Variants in SPOCK3 observed in about 807,000 individuals in gnomAD.
The protein encoded by SPOCK3 is testican-3.
Under a neutral mutation model 56.6 loss-of-function variants are expected in SPOCK3, and 30 were observed. The observed-to-expected ratio is 0.53, with a 90% CI of 0.40 to 0.72. The LOEUF (loss-of-function observed/expected upper bound fraction) is 0.72, where lower values mean the gene tolerates loss of function less well. Ranked by LOEUF, SPOCK3 falls within the 30% of genes least tolerant of loss-of-function variation. The pLI, the probability that SPOCK3 is intolerant of heterozygous loss-of-function variation, is 0.00. For missense variants in SPOCK3, 527 were observed against 530.0 expected (o/e 0.99, Z 0.06); for synonymous variants, 196 against 183.3 (o/e 1.07, Z -0.56).
At position 167,172,532 on chromosome 4, in the gene SPOCK3, T is replaced by C. The variant is rs1009898701; in HGVS notation, c.189+61453A>G. On this transcript the variant is annotated intron_variant, in intron 2 of 10. Coordinates refer to ENST00000357545, the MANE Select transcript of SPOCK3 (RefSeq NM_001040159.2). ...TCTTCCTTTTGATAGTTCACATTAGTATATATAGATATAAATGAAAGCATA... is the reference window on the plus strand; with the variant it reads ...TCTTCCTTTTGATAGTTCACATTAGCATATATAGATATAAATGAAAGCATA... 7.9e-5 allele frequency among the ~76,000 whole-genome samples: 12 copies of C among 152,284 alleles called. No individual in the cohort carries two copies. The South Asian group carries it at 2.1e-3, about 26-fold the overall frequency.
At chr4:167,148,895 A>T (rs1355044800) in intron 2 of SPOCK3, among the ~76,000 whole-genome samples, 1 of 152,174 alleles carries the variant, frequency 6.6e-6, no homozygotes, top group South Asian at 2.1e-4. Context: ...AATTTGGAAC[A>T]TTATTTTAGA....
chr4:166,952,213 C>T (rs1329138559), intron 4 of SPOCK3, among the ~76,000 whole-genome samples: 1 of 152,142 alleles, frequency 6.6e-6, no homozygotes, highest in Admixed American at 6.6e-5. Flanking sequence ...TCTCCTTAAG[C>T]TGATAAGCAA....
intron 7 of SPOCK3, among the ~76,000 whole-genome samples, chr4:166,764,428 A>T (rs1184684415): frequency 1.3e-5 from 2 of 151,908 alleles, no homozygotes; most frequent in Non-Finnish European, 2.9e-5. Flanking sequence ...CCTATGAGTG[A>T]GAACATGCGG....
intron 6 of SPOCK3, among the ~76,000 whole-genome samples, chr4:166,818,619 A>G (rs1175315797): frequency 6.6e-6 from 1 of 151,962 alleles, no homozygotes; most frequent in Non-Finnish European, 1.5e-5. Flanking sequence ...CTCTCTCATT[A>G]CCAATTAAAA....
intron 3 of SPOCK3, among the ~76,000 whole-genome samples, chr4:167,037,678 G>A (rs151219944): frequency 8.9e-4 from 135 of 152,148 alleles, no homozygotes; most frequent in African/African-American, 3.0e-3. Flanking sequence ...GCATTGCTGG[G>A]GCCAAATGGA....
intron 2 of SPOCK3, among the ~76,000 whole-genome samples, chr4:167,213,023 G>A (rs1735030914): frequency 6.6e-6 from 1 of 152,168 alleles, no homozygotes; most frequent in Admixed American, 6.6e-5. Flanking sequence ...TGAAGATGCT[G>A]GAGCACAATC....
chr4:166,824,828 G>A (rs937786283), intron 6 of SPOCK3, among the ~76,000 whole-genome samples: 15 of 151,932 alleles, frequency 9.9e-5, no homozygotes, highest in South Asian at 2.1e-4. Flanking sequence ...TTATTTTTAC[G>A]TAATTGACTG....
rs561931558 is a variant in SPOCK3 at position 166,893,412 on chromosome 4, A to G, written c.475-4168T>C. Among the ~76,000 whole-genome samples, 12 of 152,300 alleles carry G rather than the reference A, an allele frequency of 7.9e-5. No individual in the cohort carries two copies. In the South Asian group the frequency reaches 2.5e-3, roughly 32 times the overall value. On this transcript the variant is annotated intron_variant, in intron 5 of 10. Transcript: ENST00000357545. ...CTAGAGAAACCAGAAAATACAAATC[A>G]GCTAAAGCGAGAAAAGATACAGTTG...
intron 6 of SPOCK3, among the ~76,000 whole-genome samples, chr4:166,859,955 A>G (rs1731070043): frequency 6.6e-6 from 1 of 152,158 alleles, no homozygotes; most frequent in South Asian, 2.1e-4. Context: ...ATTTACCAGT[A>G]TCTATCAAGA....
chr4:167,190,183 T>C (rs1251110575), intron 2 of SPOCK3, among the ~76,000 whole-genome samples: 1 of 146,220 alleles, frequency 6.8e-6, no homozygotes, highest in Non-Finnish European at 1.5e-5. Flanking sequence ...TTTAATTTTT[T>C]GTGGGAACTC....
At chr4:166,981,877 G>C (rs991144671) in intron 4 of SPOCK3, among the ~76,000 whole-genome samples, 8 of 152,164 alleles carry the variant, frequency 5.3e-5, no homozygotes, top group African/African-American at 1.4e-4. Context: ...TGGGGACTGA[G>C]GTGGGGAGGC....
chr4:166,849,918 A>G (rs1748501500), intron 6 of SPOCK3, among the ~76,000 whole-genome samples: 1 of 152,160 alleles, frequency 6.6e-6, no homozygotes, highest in African/African-American at 2.4e-5. Flanking sequence ...GAATTCTCTA[A>G]CTTTTTAAAG....
rs184162323 is a variant in SPOCK3, at chr4:166,848,016, A to T, written c.589+41114T>A. Among the ~76,000 whole-genome samples, 3 of 152,224 alleles carry T rather than the reference A, an allele frequency of 2.0e-5. No individual in the cohort carries two copies. In the East Asian group the frequency reaches 5.8e-4, roughly 29 times the overall value. On this transcript the variant is annotated intron_variant, in intron 6 of 10. Coordinates refer to ENST00000357545, the MANE Select transcript of SPOCK3 (RefSeq NM_001040159.2). Reference sequence around the variant, plus strand: ...GTAACCCAAAATCAAATCACAATCAAGTTTCCTACAAATTACACACAATAG... The same window carrying T: ...GTAACCCAAAATCAAATCACAATCATGTTTCCTACAAATTACACACAATAG...
chr4:166,887,228 ATAC>A (rs1476163533), intron 6 of SPOCK3, among the ~76,000 whole-genome samples: 2 of 152,200 alleles, frequency 1.3e-5, no homozygotes. Flanking sequence ...TCATAAATTA[ATAC>A]TACATCAGCA....
chr4:167,134,128 A>G (rs1199259987), intron 2 of SPOCK3, among the ~76,000 whole-genome samples: 1 of 145,010 alleles, frequency 6.9e-6, no homozygotes, highest in East Asian at 2.0e-4. Context: ...TCCTTGGTTC[A>G]AGTGATTCTC....
chr4:167,087,088 G>A (rs927414252), intron 2 of SPOCK3, among the ~76,000 whole-genome samples: 4 of 151,986 alleles, frequency 2.6e-5, no homozygotes, highest in African/African-American at 9.7e-5. Flanking sequence ...TAAATAATTT[G>A]TCGGCAAATA....
chr4:167,217,496 C>A (rs1209856234), intron 2 of SPOCK3, among the ~76,000 whole-genome samples: 2 of 151,930 alleles, frequency 1.3e-5, no homozygotes, highest in Admixed American at 1.3e-4. Flanking sequence ...AGGTTACATG[C>A]AAATACTACA....
chr4:166,935,919 A>G (rs74855902), intron 4 of SPOCK3, among the ~76,000 whole-genome samples: 269 of 152,328 alleles, frequency 1.8e-3, no homozygotes, highest in African/African-American at 6.4e-3. Flanking sequence ...AAAAATGATC[A>G]TGATGAATTA....
chr4:167,158,473 C>T (rs921663122), intron 2 of SPOCK3, among the ~76,000 whole-genome samples: 8 of 152,038 alleles, frequency 5.3e-5, no homozygotes, highest in Middle Eastern at 3.4e-3. Context: ...TGTTTTTATT[C>T]TGAAGTACAG....
Sources: gnomAD v4.1 joint callset for allele counts (sites outside exome capture counted in the v4.1 genomes callset) on GRCh38, gnomAD v4.1.1 for gene constraint, MANE v1.5 for transcripts, NCBI Gene and HGNC (gene_info 2026-07-23, HGNC 2026-07-21) for gene names.